DNAJC8: variants seen among roughly 807,000 people sequenced by gnomAD.
DNAJC8 encodes dnaJ homolog subfamily C member 8.
Under a neutral mutation model 43.2 loss-of-function variants are expected in DNAJC8, and 24 were observed. That is an observed-to-expected ratio of 0.56 (90% confidence interval 0.40 to 0.78). The LOEUF is 0.78. DNAJC8 is among the 30% of genes least tolerant of loss of function. The probability of loss-of-function intolerance (pLI) is 0.00; values close to 1 mark genes in which losing one functional copy is unlikely to be tolerated. For synonymous variants in DNAJC8, 83 were observed against 98.0 expected, an observed-to-expected ratio of 0.85 and a Z score of 0.90; for missense variants, 207 against 299.4, an observed-to-expected ratio of 0.69 and a Z score of 2.28.
chr1:28,210,008 A>T lies in DNAJC8; in HGVS notation c.363T>A (p.Asp121Glu). The T allele has an allele frequency of 6.2e-7, 1 of 1,614,086 alleles. No individual in the cohort carries two copies. Among genetic ancestry groups the T allele is most frequent in the Non-Finnish European group, 8.5e-7 (1 of 1,179,952 alleles). Residue 121 changes from aspartate to glutamate, a missense_variant, in exon 5 of 9, where the codon GAT becomes GAA. By Grantham distance (45) the Asp-to-Glu change is conservative. Transcript: ENST00000263697. Reference sequence around the variant, plus strand: ...CGTATTCTTTTCCTGCCTGAATTACATCCAGGGCCCTCTTCTTTTGCTCCT... The same window carrying T: ...CGTATTCTTTTCCTGCCTGAATTACTTCCAGGGCCCTCTTCTTTTGCTCCT... The part of the protein sequence containing the change: ...LDQEQKKRAL[D>E]VIQAGKEYVE...
intron 2 of DNAJC8, among the ~76,000 whole-genome samples, chr1:28,224,575 C>T (rs1446096663): frequency 6.6e-6 from 1 of 151,864 alleles, no homozygotes; most frequent in East Asian, 2.0e-4. Flanking sequence ...GCCAGGGAGA[C>T]CCCATCTTAC....
Position 28,200,309 on chromosome 1 carries a change from C to T in DNAJC8, c.*939G>A, listed in dbSNP as rs1361669633. 2 of 360,038 alleles carry T rather than the reference C, an allele frequency of 5.6e-6. No individual in the cohort carries two copies. The highest frequency in any genetic ancestry group is 1.5e-4 in the East Asian group (2 of 13,662). The allele number at this position is 360,038 out of a possible 1,614,324, so 22.3% of individuals were successfully genotyped here. On this transcript the variant is annotated 3_prime_UTR_variant, in exon 9 of 9. Transcript: ENST00000263697. Reference sequence around the variant, plus strand: ...ATATTACTTCATTTAATCCTCAAAACAATCAGTATCTTCATTTTACACAGA... The same window carrying T: ...ATATTACTTCATTTAATCCTCAAAATAATCAGTATCTTCATTTTACACAGA...
chr1:28,212,190 TATATATATATATATATATATATATAA>T (rs1646817495), intron 3 of DNAJC8, among the ~76,000 whole-genome samples: 3 of 104,934 alleles, frequency 2.9e-5, no homozygotes, highest in African/African-American at 1.4e-4. Context: ...TATATATATA[TATATATATATATATATATATATATAA>T]ATGAAATTAA....
Position 28,232,902 on chromosome 1 carries a change from C to T in DNAJC8, c.78+19G>A, listed in dbSNP as rs1474403104. The T allele has an allele frequency of 6.2e-7, 1 of 1,611,886 alleles. No individual in the cohort carries two copies. The highest frequency in any genetic ancestry group is 1.3e-5 in the African/African-American group (1 of 74,920). On this transcript the variant is annotated intron_variant, in intron 1 of 8. Transcript: ENST00000263697. ...GGGAGCGGTCGCCCCGGTGCCACTA[C>T]TCCTCACTCTGTGTTCACCTCACTG...
At chr1:28,205,522 C>T (rs1331757213) in intron 6 of DNAJC8, among the ~76,000 whole-genome samples, 173 bp from the exon 7 acceptor site, 2 of 152,166 alleles carry the variant, frequency 1.3e-5, no homozygotes, top group East Asian at 1.9e-4. Flanking sequence ...GCAGGAGAAT[C>T]GTTTGAGGCT....
At chr1:28,230,969 T>C (rs1646969732) in intron 1 of DNAJC8, among the ~76,000 whole-genome samples, 2 of 152,156 alleles carry the variant, frequency 1.3e-5, no homozygotes, top group African/African-American at 4.8e-5. Context: ...CCTACAGAGG[T>C]CCCATCTTCT....
intron 8 of DNAJC8, among the ~76,000 whole-genome samples, chr1:28,202,864 G>C (rs1190218698): frequency 2.0e-5 from 3 of 151,740 alleles, no homozygotes; most frequent in Admixed American, 6.6e-5. Context: ...TTACAGGCTT[G>C]AGCCACCACG....
intron 8 of DNAJC8, 28 bp from the exon 9 acceptor site, chr1:28,201,398 G>T (rs560390631): frequency 6.2e-7 from 1 of 1,613,302 alleles, no homozygotes; most frequent in East Asian, 2.2e-5. Context: ...TTGAGGTGAG[G>T]AGACCAGTCA....
chr1:28,223,363 G>A (rs1646911831), intron 2 of DNAJC8, among the ~76,000 whole-genome samples: 1 of 152,120 alleles, frequency 6.6e-6, no homozygotes, highest in South Asian at 2.1e-4. Context: ...CCCCCAGCAG[G>A]AAGAGAGCAG....
intron 2 of DNAJC8, among the ~76,000 whole-genome samples, chr1:28,216,184 A>G (rs1646853182): frequency 1.3e-5 from 2 of 152,174 alleles, no homozygotes; most frequent in Non-Finnish European, 2.9e-5. Flanking sequence ...CCCCGTCTCT[A>G]CTAAAAATAC....
intron 3 of DNAJC8, among the ~76,000 whole-genome samples, chr1:28,211,023 A>T (rs1572062331): frequency 1.3e-5 from 2 of 152,228 alleles, no homozygotes; most frequent in East Asian, 3.9e-4. Flanking sequence ...AAAATTTTTT[A>T]ATTACCCAGA....
At chr1:28,208,032 CCCCA>C (rs1646782025) in intron 6 of DNAJC8, among the ~76,000 whole-genome samples, 1 of 152,010 alleles carries the variant, frequency 6.6e-6, no homozygotes, top group South Asian at 2.1e-4. Context: ...CATGGAGAAA[CCCCA>C]TCTCTACTAA....
intron 2 of DNAJC8, among the ~76,000 whole-genome samples, chr1:28,215,495 C>G (rs1294083032): frequency 6.6e-6 from 1 of 152,088 alleles, no homozygotes; most frequent in African/African-American, 2.4e-5. Context: ...AAGTCTGATT[C>G]CAACCCCATA....
intron 2 of DNAJC8, among the ~76,000 whole-genome samples, chr1:28,227,681 CAAG>C (rs1339775477): frequency 6.6e-6 from 1 of 151,956 alleles, no homozygotes; most frequent in Non-Finnish European, 1.5e-5. Flanking sequence ...CTGAGCAGGT[CAAG>C]GAGATCACTT....
rs1264293846 is a variant in DNAJC8, at chr1:28,201,121, G to A, written c.*127C>T. ...ACTCTGATCGATATTAAATCGTATT[G>A]AAAACAAAATGGACTAAAAAGCAAA... On this transcript the variant is annotated 3_prime_UTR_variant, in exon 9 of 9. Coordinates refer to ENST00000263697, the MANE Select transcript of DNAJC8 (RefSeq NM_014280.3). 1 of 1,374,446 alleles carries A rather than the reference G, an allele frequency of 7.3e-7. No individual in the cohort carries two copies. Among genetic ancestry groups the A allele is most frequent in the Non-Finnish European group, 9.9e-7 (1 of 1,006,834 alleles). 85.1% of individuals were successfully genotyped at this position (1,374,446 alleles called of 1,614,324 possible). A position where few individuals can be genotyped will look rare whatever the true frequency, so the allele number is the denominator to read the frequency against.
At chr1:28,205,978 G>A (rs530120917) in intron 6 of DNAJC8, among the ~76,000 whole-genome samples, 1 of 152,268 alleles carries the variant, frequency 6.6e-6, no homozygotes, top group Non-Finnish European at 1.5e-5. Flanking sequence ...AAGCCCTGGA[G>A]TTTGAGACCA....
rs574674113 is a variant in DNAJC8, at chr1:28,209,959, TATAA to T, written c.399+9_399+12del. 2.4e-4 allele frequency: 391 copies of T among 1,612,386 alleles called. 1 individual carries two copies. The African/African-American group carries it at 4.9e-3, about 20-fold the overall frequency. On this transcript the variant is annotated intron_variant, in intron 5 of 8. Transcript: ENST00000263697. Reference sequence around the variant, plus strand: ...ATACTTCCTGTAAACACAGCAGCACTATAAATACTTACAGTGTGTTCCACGTATT... The same window carrying T: ...ATACTTCCTGTAAACACAGCAGCACTATACTTACAGTGTGTTCCACGTATT...
chr1:28,205,410 C>A (rs1646762074), intron 6 of DNAJC8, 61 bp from the exon 7 acceptor site: 2 of 1,295,448 alleles, frequency 1.5e-6, no homozygotes, highest in East Asian at 4.6e-5. Context: ...CAACTTGAAC[C>A]ATGTACTTTC....
intron 2 of DNAJC8, among the ~76,000 whole-genome samples, chr1:28,227,703 G>A (rs1316833892): frequency 6.6e-6 from 1 of 152,016 alleles, no homozygotes; most frequent in Non-Finnish European, 1.5e-5. Flanking sequence ...TTAAGCCCAC[G>A]AGTTCTAAGC....
Sources: gnomAD v4.1 joint callset for allele counts (sites outside exome capture counted in the v4.1 genomes callset) on GRCh38, gnomAD v4.1.1 for gene constraint, MANE v1.5 for transcripts, NCBI Gene and HGNC (gene_info 2026-07-23, HGNC 2026-07-21) for gene names.